COL21A1: variants seen among roughly 807,000 people sequenced by gnomAD.
The protein encoded by COL21A1 is collagen alpha-1(XXI) chain.
COL21A1 carries 149 observed loss-of-function variants against 137.9 expected under a neutral mutation model. That is an observed-to-expected ratio of 1.08 (90% CI 0.95 to 1.24). The LOEUF is 1.24. Ranked by LOEUF, COL21A1 falls within the 50% of genes most tolerant of loss-of-function variation. The pLI is 0.00. For synonymous variants in COL21A1, 456 were observed against 391.5 expected, an observed-to-expected ratio of 1.16 and a Z score of -1.95; for missense variants, 1,167 against 1,158.4, an observed-to-expected ratio of 1.01 and a Z score of -0.11.
chr6:56,274,459 T>C (rs961119777), intron 1 of COL21A1, among the ~76,000 whole-genome samples: 3 of 152,164 alleles, frequency 2.0e-5, no homozygotes, highest in African/African-American at 4.8e-5. Flanking sequence ...ATTCTGTACA[T>C]AGAAAACTCT....
rs556835884 is a variant in COL21A1, at chr6:56,205,936, G to A, written c.-38-23280C>T. The stretch of plus-strand genomic sequence containing the variant: ...TCCTTTATAGACAAGCAAATGCTGA[G>A]AGATTTTATCACCACCAGGCCTGCC... On this transcript the variant is annotated intron_variant, in intron 1 of 29. Transcript: ENST00000244728. 9.8e-5 allele frequency among the ~76,000 whole-genome samples: 15 copies of A among 152,286 alleles called. No individual in the cohort carries two copies. The East Asian group carries it at 2.7e-3, about 27-fold the overall frequency.
intron 10 of COL21A1, among the ~76,000 whole-genome samples, chr6:56,148,230 T>A (rs2152245632): frequency 6.6e-6 from 1 of 152,200 alleles, no homozygotes; most frequent in East Asian, 1.9e-4. Flanking sequence ...AGGAAAGCCT[T>A]ATAAAGGCAT....
chr6:56,162,069 C>CT (rs1397842589), intron 9 of COL21A1, among the ~76,000 whole-genome samples: 1 of 152,158 alleles, frequency 6.6e-6, no homozygotes, highest in Admixed American at 6.5e-5. Flanking sequence ...CTAAAGTAAA[C>CT]TTGTCTCATC....
At chr6:56,127,331 T>A (rs865993414) in intron 12 of COL21A1, among the ~76,000 whole-genome samples, 1 of 152,224 alleles carries the variant, frequency 6.6e-6, no homozygotes, top group Admixed American at 6.5e-5. Flanking sequence ...AATATGGCCA[T>A]TTTAATCGTT....
At chr6:56,212,667 A>T (rs1780242700) in intron 1 of COL21A1, among the ~76,000 whole-genome samples, 1 of 152,052 alleles carries the variant, frequency 6.6e-6, no homozygotes, top group South Asian at 2.1e-4. Context: ...AACAAAATAT[A>T]ACCAAGGAAA....
chr6:56,363,328 G>T (rs747088791), intron 1 of COL21A1, among the ~76,000 whole-genome samples: 1 of 152,084 alleles, frequency 6.6e-6, no homozygotes, highest in Non-Finnish European at 1.5e-5. Flanking sequence ...CACACTTATC[G>T]TCTATTTTAA....
chr6:56,393,705 G>A (rs564826590), intron 1 of COL21A1, among the ~76,000 whole-genome samples: 143 of 152,208 alleles, frequency 9.4e-4, no homozygotes, highest in African/African-American at 3.3e-3. Context: ...TGAAATAAGC[G>A]GCAGGCTGCA....
At chr6:56,147,555 C>T (rs1774931592) in intron 10 of COL21A1, among the ~76,000 whole-genome samples, 1 of 151,986 alleles carries the variant, frequency 6.6e-6, no homozygotes, top group South Asian at 2.1e-4. Flanking sequence ...AACAGGCCTA[C>T]ATTCACATGC....
chr6:56,345,618 C>A (rs1366242278), intron 1 of COL21A1, among the ~76,000 whole-genome samples: 1 of 152,188 alleles, frequency 6.6e-6, no homozygotes, highest in African/African-American at 2.4e-5. Context: ...CACGCCTGAT[C>A]GCTACATCTT....
chr6:56,185,223 T>C (rs1406428920), intron 1 of COL21A1, among the ~76,000 whole-genome samples: 5 of 151,766 alleles, frequency 3.3e-5, no homozygotes, highest in Admixed American at 3.3e-4. Flanking sequence ...AACTATGAAA[T>C]ATAAATTTGA....
chr6:56,168,114 A>G lies in COL21A1; in HGVS notation c.1200+10T>C. On this transcript the variant is annotated intron_variant, in intron 6 of 29. Coordinates refer to ENST00000244728, the MANE Select transcript of COL21A1 (RefSeq NM_030820.4). ...TATATAATTCAAAGAGTAAATCATTATTTATCTACCTGAACAGTTTCTTCT... is the reference window on the plus strand; with the variant it reads ...TATATAATTCAAAGAGTAAATCATTGTTTATCTACCTGAACAGTTTCTTCT... The G allele has an allele frequency of 6.8e-7, 1 of 1,469,226 alleles. No homozygotes were observed. Among genetic ancestry groups the G allele is most frequent in the Non-Finnish European group, 9.1e-7 (1 of 1,098,552 alleles). The allele number at this position is 1,469,226 out of a possible 1,614,324, so 91.0% of individuals were successfully genotyped here.
rs768590534 is a variant in COL21A1, at chr6:56,168,135, C to T, written c.1189G>A (p.Glu397Lys). 1 of 1,518,832 alleles carries T rather than the reference C, an allele frequency of 6.6e-7. No individual in the cohort carries two copies. 94.1% of individuals were successfully genotyped at this position (1,518,832 alleles called of 1,614,324 possible). A position where few individuals can be genotyped will look rare whatever the true frequency, so the allele number is the denominator to read the frequency against. ...CATTATTTATCTACCTGAACAGTTT[C>T]TTCTTTTCCAGAATATTTTCCAATT... The part of the protein sequence containing the change: ...TQIGKYSGKE[E>K]TVQFDVQKLR... Residue 397 changes from glutamate (E) to lysine (K), a missense_variant, in exon 6 of 30, where the codon GAA becomes AAA. Glu to Lys is a moderately conservative substitution (Grantham distance 56). Coordinates refer to ENST00000244728, the MANE Select transcript of COL21A1 (RefSeq NM_030820.4).
chr6:56,339,846 T>TC, intron 1 of COL21A1, among the ~76,000 whole-genome samples: 1 of 152,338 alleles, frequency 6.6e-6, no homozygotes, highest in East Asian at 1.9e-4. Flanking sequence ...TTTAATGTTT[T>TC]CTGTATAATG....
At chr6:56,112,687 CTT>C (rs779345756) in intron 16 of COL21A1, among the ~76,000 whole-genome samples, 1 of 124,518 alleles carries the variant, frequency 8.0e-6, no homozygotes, top group Admixed American at 8.7e-5. Context: ...TTTCTTTTTT[CTT>C]TTTTTTTTTT....
At chr6:56,080,822 T>C (rs767274922) in intron 17 of COL21A1, among the ~76,000 whole-genome samples, 47 of 151,860 alleles carry the variant, frequency 3.1e-4, no homozygotes, top group Non-Finnish European at 6.5e-4. Context: ...TCTTAAAGAT[T>C]CAATGAAGAA....
In COL21A1 at chr6:56,227,950, A is replaced by G. The variant is rs151007326; in HGVS notation, c.-39+19437T>C. Among the ~76,000 whole-genome samples, 535 of 152,090 alleles carry G rather than the reference A, an allele frequency of 3.5e-3. 5 individuals carry two copies. Among genetic ancestry groups the G allele is most frequent in the African/African-American group, 0.012 (509 of 41,532 alleles). On this transcript the variant is annotated intron_variant, in intron 1 of 29. Transcript: ENST00000244728. ...TAAAGGCAAACCAGGGATTTGCTAG[A>G]TGACCTTAAGAAGACAGGAAGATAG...
chr6:56,377,036 G>A (rs1418219318), intron 1 of COL21A1, among the ~76,000 whole-genome samples: 1 of 146,838 alleles, frequency 6.8e-6, no homozygotes, highest in Non-Finnish European at 1.5e-5. Context: ...GGAGTGCAAT[G>A]GTGCAATCTC....
chr6:56,376,200 A>T (rs1424510160), intron 1 of COL21A1, among the ~76,000 whole-genome samples: 3 of 152,206 alleles, frequency 2.0e-5, no homozygotes, highest in East Asian at 1.9e-4. Context: ...ATCCAATAAG[A>T]GGTCTCTTAA....
chr6:56,195,925 GAA>G (rs1207132585), intron 1 of COL21A1, among the ~76,000 whole-genome samples: 1 of 151,636 alleles, frequency 6.6e-6, no homozygotes, highest in Non-Finnish European at 1.5e-5. Flanking sequence ...AACACTACAA[GAA>G]AAAAAATCAC....
Sources: allele counts gnomAD v4.1 joint callset (sites outside exome capture counted in the v4.1 genomes callset), GRCh38; gene constraint gnomAD v4.1.1; transcripts MANE v1.5; gene names NCBI Gene and HGNC (gene_info 2026-07-23, HGNC 2026-07-21).